GABRA3: variants seen among roughly 807,000 people sequenced by gnomAD.
GABRA3 encodes the protein gamma-aminobutyric acid type A receptor subunit alpha3.
In GABRA3, 10 loss-of-function variants were observed where a neutral mutation model predicts 30.1. The ratio of observed to expected loss-of-function variants is 0.33; its 90% CI spans 0.20 to 0.56. GABRA3 has a LOEUF of 0.56. Among genes scored for constraint, GABRA3 ranks in the 20% least tolerant of loss-of-function variants. The pLI, the probability that GABRA3 is intolerant of heterozygous loss-of-function variation, is 0.89. For missense variants in GABRA3, 233 were observed against 392.0 expected, an observed-to-expected ratio of 0.59 and a Z score of 3.42; for synonymous variants, 151 against 146.8, an observed-to-expected ratio of 1.03 and a Z score of -0.21.
intron 5 of GABRA3, among the ~76,000 whole-genome samples, chrX:152,232,710 C>A (rs145456656): frequency 0.14 from 14,979 of 106,201 alleles, 827 homozygotes; most frequent in Admixed American, 0.22. Flanking sequence ...TTTATTTATC[C>A]AATCATCCAT....
At chrX:152,288,528 G>A (rs1939337903) in intron 3 of GABRA3, among the ~76,000 whole-genome samples, 1 of 112,299 alleles carries the variant, frequency 8.9e-6, no homozygotes. Flanking sequence ...TACTATTTCT[G>A]AGAATAGATC....
At chrX:152,176,776 A>T (rs1038239865) in intron 9 of GABRA3, among the ~76,000 whole-genome samples, 1 of 111,701 alleles carries the variant, frequency 9.0e-6, no homozygotes, top group Non-Finnish European at 1.9e-5. Context: ...GGTTTGGGAT[A>T]GAGATACATA....
chrX:152,277,440 G>T (rs1055181028), intron 4 of GABRA3, among the ~76,000 whole-genome samples: 2 of 111,046 alleles, frequency 1.8e-5, no homozygotes, highest in Non-Finnish European at 3.8e-5. Flanking sequence ...TGGATGGTCA[G>T]TTCTTTTATT....
chrX:152,348,188 C>T (rs1014536002), intron 2 of GABRA3, among the ~76,000 whole-genome samples: 6 of 110,893 alleles, frequency 5.4e-5, no homozygotes, highest in Non-Finnish European at 1.1e-4. Context: ...TAAACTGCAA[C>T]GTGATCCTAT....
At chrX:152,289,440 T>C (rs983933424) in intron 3 of GABRA3, among the ~76,000 whole-genome samples, 4 of 110,574 alleles carry the variant, frequency 3.6e-5, no homozygotes, top group Non-Finnish European at 7.6e-5. Context: ...CCATACTAAA[T>C]GCCCCGACTT....
intron 3 of GABRA3, among the ~76,000 whole-genome samples, chrX:152,331,020 A>T (rs193217298): frequency 9.0e-6 from 1 of 110,661 alleles, no homozygotes; most frequent in Non-Finnish European, 1.9e-5. Flanking sequence ...ACAGGATGTT[A>T]ACATTCAGTG....
At chrX:152,401,267 T>G (rs1396027175) in intron 1 of GABRA3, among the ~76,000 whole-genome samples, 3 of 40,236 alleles carry the variant, frequency 7.5e-5, no homozygotes, top group African/African-American at 2.4e-4. Context: ...TTAATGTGTG[T>G]ATATATATAT....
chrX:152,451,089 C>G (rs1931210025), intron 1 of GABRA3, 57 bp downstream of exon 1: 1 of 112,266 alleles, frequency 8.9e-6, no homozygotes, highest in Non-Finnish European at 1.9e-5. Context: ...GAGATGCTAT[C>G]GCTAAAGGAG....
intron 9 of GABRA3, among the ~76,000 whole-genome samples, chrX:152,172,951 TACAC>T (rs58184376): frequency 0.2 from 20,915 of 102,353 alleles, 1,571 homozygotes; most frequent in Admixed American, 0.27. Context: ...CGAGTATGTG[TACAC>T]ACACACACAC....
intron 4 of GABRA3, among the ~76,000 whole-genome samples, chrX:152,283,335 C>T: frequency 9.0e-6 from 1 of 111,572 alleles, no homozygotes; most frequent in Non-Finnish European, 1.9e-5. Context: ...AGACTTGGTA[C>T]TTGCCCTCGA....
intron 1 of GABRA3, among the ~76,000 whole-genome samples, chrX:152,398,574 A>C (rs1929718477): frequency 1.8e-5 from 2 of 111,771 alleles, no homozygotes; most frequent in South Asian, 7.4e-4. Context: ...ATAGAAAAAA[A>C]ACTATTAGGA....
chrX:152,300,083 A>G (rs1939603796), intron 3 of GABRA3, among the ~76,000 whole-genome samples: 1 of 112,574 alleles, frequency 8.9e-6, no homozygotes, highest in African/African-American at 3.2e-5. Flanking sequence ...TGAGCTGCAC[A>G]TGCAGAGGCC....
chrX:152,331,193 A>G (rs1364484984), intron 3 of GABRA3, among the ~76,000 whole-genome samples: 2 of 108,991 alleles, frequency 1.8e-5, no homozygotes, highest in African/African-American at 3.3e-5. Context: ...GAAAAAAAAA[A>G]AAAAGCCAAC....
intron 3 of GABRA3, among the ~76,000 whole-genome samples, chrX:152,328,326 G>A (rs766519230): frequency 9.0e-6 from 1 of 111,729 alleles, no homozygotes; most frequent in South Asian, 3.8e-4. Flanking sequence ...AGAAGAAGGG[G>A]GAATCCTCTC....
At chrX:152,403,415 A>T (rs1929842175) in intron 1 of GABRA3, among the ~76,000 whole-genome samples, 1 of 74,225 alleles carries the variant, frequency 1.3e-5, no homozygotes, top group Non-Finnish European at 2.3e-5. Context: ...AAAATTTACT[A>T]GAAGAAAACT....
chrX:152,336,734 C>T (rs1375250338), intron 3 of GABRA3, among the ~76,000 whole-genome samples: 1 of 111,662 alleles, frequency 9.0e-6, no homozygotes, highest in East Asian at 2.8e-4. Context: ...CTTCAGAAGG[C>T]TCTGCATTAT....
chrX:152,326,494 C>A (rs748816129), intron 3 of GABRA3, among the ~76,000 whole-genome samples: 171 of 111,752 alleles, frequency 1.5e-3, no homozygotes, highest in African/African-American at 5.3e-3. Flanking sequence ...CATCAGACTA[C>A]CAGTGGATCT....
chrX:152,238,099 T>G (rs1232061562), intron 5 of GABRA3, among the ~76,000 whole-genome samples: 9 of 107,885 alleles, frequency 8.3e-5, no homozygotes, highest in Non-Finnish European at 3.8e-5. Context: ...TTCCAGTTTT[T>G]GCCTATTCAG....
chrX:152,244,078 G>T (rs1427681319), intron 5 of GABRA3, among the ~76,000 whole-genome samples: 1 of 111,947 alleles, frequency 8.9e-6, no homozygotes, highest in Non-Finnish European at 1.9e-5. Flanking sequence ...TGATACAAAA[G>T]CCAGTATTTA....
Sources: gnomAD v4.1 joint callset for allele counts (sites outside exome capture counted in the v4.1 genomes callset) on GRCh38, gnomAD v4.1.1 for gene constraint, MANE v1.5 for transcripts, NCBI Gene and HGNC (gene_info 2026-07-23, HGNC 2026-07-21) for gene names.